ZNF417: variants seen among roughly 807,000 people sequenced by gnomAD.
ZNF417 encodes the protein zinc finger protein 417.
A neutral mutation model predicts 7.4 loss-of-function variants in ZNF417; 5 were observed. That is an observed-to-expected ratio of 0.68 (90% CI 0.35 to 1.43). The LOEUF (loss-of-function observed/expected upper bound fraction) is 1.43. ZNF417 is among the 40% of genes most tolerant of loss of function. ZNF417 has a pLI of 0.04. For missense variants in ZNF417, 437 were observed against 697.3 expected (o/e 0.63, Z 4.20); for synonymous variants, 147 against 239.1 (o/e 0.61, Z 3.55).
chr19:57,914,449 G>A (rs1264850809), intron 1 of ZNF417, among the ~76,000 whole-genome samples: 1 of 120,098 alleles, frequency 8.3e-6, no homozygotes, highest in Non-Finnish European at 1.6e-5. Context: ...TTGCACCACT[G>A]CACTCCAGCC....
Position 57,907,985 on chromosome 19 carries a change from T to A in ZNF417, c.*565A>T, listed in dbSNP as rs1158970555. 1 of 161,376 alleles carries A rather than the reference T, an allele frequency of 6.2e-6. No individual in the cohort carries two copies. The highest frequency in any genetic ancestry group is 1.4e-5 in the Non-Finnish European group (1 of 73,072). 10.0% of individuals were successfully genotyped at this position (161,376 alleles called of 1,614,324 possible). ...GGAGCTCTGAGGTAATTGGAGCTCA[T>A]GGCTATCCCAGAACTTGGATAACAT... is the stretch of plus-strand genomic sequence containing the variant. On this transcript the variant is annotated 3_prime_UTR_variant, in exon 3 of 3. Coordinates refer to ENST00000312026, the MANE Select transcript of ZNF417 (RefSeq NM_152475.3).
chr19:57,910,579 G>A (rs570189592), intron 2 of ZNF417, among the ~76,000 whole-genome samples: 44 of 152,084 alleles, frequency 2.9e-4, no homozygotes, highest in African/African-American at 1.0e-3. Flanking sequence ...AAAGAAGAAT[G>A]AGCTGCCTAG....
chr19:57,913,624 C>A (rs553450592), intron 1 of ZNF417, among the ~76,000 whole-genome samples: 1 of 152,188 alleles, frequency 6.6e-6, no homozygotes, highest in African/African-American at 2.4e-5. Flanking sequence ...CAACTTGGCA[C>A]CAACTCAGGC....
At chr19:57,915,292 T>A (rs540045749) in intron 1 of ZNF417, 29 of 182,974 alleles carry the variant, frequency 1.6e-4, no homozygotes, top group African/African-American at 5.5e-4. Context: ...ATTTGGATCA[T>A]GTCCCTCCTT....
rs948891623 is a variant in ZNF417, at chr19:57,907,088, G to T, written c.*1462C>A. The stretch of plus-strand genomic sequence containing the variant: ...AGGGTGGTCTTGAACTCCTGACCTT[G>T]TAAGCCACCCACCTCAGCCTCCCAA... On this transcript the variant is annotated 3_prime_UTR_variant, in exon 3 of 3. Coordinates refer to ENST00000312026, the MANE Select transcript of ZNF417 (RefSeq NM_152475.3). 2 of 151,800 alleles carry T rather than the reference G, an allele frequency of 1.3e-5. No individual in the cohort carries two copies. Among genetic ancestry groups the T allele is most frequent in the African/African-American group, 4.8e-5 (2 of 41,332 alleles). 9.4% of individuals were successfully genotyped at this position (151,800 alleles called of 1,614,324 possible).
At chr19:57,910,271 C>T (rs572036828) in intron 2 of ZNF417, among the ~76,000 whole-genome samples, 157 bp from the exon 3 acceptor site, 15 of 152,276 alleles carry the variant, frequency 9.9e-5, no homozygotes, top group African/African-American at 3.4e-4. Flanking sequence ...GCTGGCCGGG[C>T]GCAGTGGCTC....
In ZNF417 at chr19:57,911,340, C is replaced by T. The variant is rs559467080; in HGVS notation, c.163+720G>A. ...GTGCCTACTCATATTGCCACAAAAA[C>T]ACTTGGCAAATATAAATGGTTTCTG... is the stretch of plus-strand genomic sequence containing the variant. On this transcript the variant is annotated intron_variant, in intron 2 of 2. Transcript: ENST00000312026. Among the ~76,000 whole-genome samples the T allele has an allele frequency of 2.8e-3, 421 of 152,270 alleles. 1 individual carries two copies. The highest frequency in any genetic ancestry group is 5.2e-3 in the Non-Finnish European group (352 of 68,030).
rs895782306 is a variant in ZNF417, at chr19:57,908,431, A to C, written c.*119T>G. On this transcript the variant is annotated 3_prime_UTR_variant, in exon 3 of 3. Transcript: ENST00000312026. ...TGCGAAGTCTCTTAAGACCAAGGAG[A>C]GCAGACATTCTGATGTTTCCCAGAT... 2.8e-5 allele frequency: 43 copies of C among 1,559,608 alleles called. No individual in the cohort carries two copies. Among genetic ancestry groups the C allele is most frequent in the Middle Eastern group, 1.7e-4 (1 of 5,880 alleles).
At chr19:57,915,150 C>T (rs1017851172) in intron 1 of ZNF417, among the ~76,000 whole-genome samples, 1 of 152,154 alleles carries the variant, frequency 6.6e-6, no homozygotes, top group Non-Finnish European at 1.5e-5. Flanking sequence ...ACCTGCTTGT[C>T]TCAGTGCAAA....
intron 1 of ZNF417, among the ~76,000 whole-genome samples, chr19:57,915,096 C>CT (rs1263384776): frequency 6.6e-6 from 1 of 152,186 alleles, no homozygotes; most frequent in Non-Finnish European, 1.5e-5. Flanking sequence ...TCCCTGAACC[C>CT]TTTCTTGTCC....
At position 57,908,403 on chromosome 19, in the gene ZNF417, C is replaced by T; in HGVS notation, c.*147G>A. The T allele has an allele frequency of 7.0e-7, 1 of 1,434,636 alleles. No individual in the cohort carries two copies. 88.9% of individuals were successfully genotyped at this position (1,434,636 alleles called of 1,614,324 possible). A position where few individuals can be genotyped will look rare whatever the true frequency, so the allele number is the denominator to read the frequency against. On this transcript the variant is annotated 3_prime_UTR_variant, in exon 3 of 3. Coordinates refer to ENST00000312026, the MANE Select transcript of ZNF417 (RefSeq NM_152475.3). ...TGGGTGACAGAATGAGACTCCGTTC[C>T]AATGCGAAGTCTCTTAAGACCAAGG... is the stretch of plus-strand genomic sequence containing the variant.
In ZNF417 at chr19:57,906,054, T is replaced by C. The variant is rs1342987334; in HGVS notation, c.*2496A>G. On this transcript the variant is annotated 3_prime_UTR_variant, in exon 3 of 3. Transcript: ENST00000312026. ...CATCTCAGCTGATTGCAACCTCCATTTCCGAGGAAGGCTCCTTAATTTCCC... is the reference window on the plus strand; with the variant it reads ...CATCTCAGCTGATTGCAACCTCCATCTCCGAGGAAGGCTCCTTAATTTCCC... Among the ~76,000 whole-genome samples, 1 of 152,120 alleles carries C rather than the reference T, an allele frequency of 6.6e-6. No individual in the cohort carries two copies. Among genetic ancestry groups the C allele is most frequent in the East Asian group, 1.9e-4 (1 of 5,188 alleles).
chr19:57,913,694 C>T (rs1298618773), intron 1 of ZNF417, among the ~76,000 whole-genome samples: 2 of 152,146 alleles, frequency 1.3e-5, no homozygotes, highest in East Asian at 3.9e-4. Context: ...CTATTCTCTC[C>T]TCGGATGTCT....
At position 57,908,651 on chromosome 19, in the gene ZNF417, T is replaced by C; in HGVS notation, c.1627A>G (p.Thr543Ala). The C allele has an allele frequency of 6.2e-7, 1 of 1,614,190 alleles. No homozygotes were observed. Among genetic ancestry groups the C allele is most frequent in the Non-Finnish European group, 8.5e-7 (1 of 1,180,036 alleles). The change falls in exon 3 of 3, where the codon ACT (threonine) becomes GCT (alanine). Residue 543 changes from threonine to alanine, a missense_variant. Physicochemically the swap from Thr to Ala is moderately conservative, Grantham distance 58. Around this residue, in one of 5 missense-constraint regions of ZNF417, gnomAD observed 233 missense variants for 235.5 expected, o/e 0.99. Coordinates refer to ENST00000312026, the MANE Select transcript of ZNF417 (RefSeq NM_152475.3). ...SSLIKHRRIH[T>A]GERPYECTKC... ...GTACATTCATAAGGCCTTTCTCCAG[T>C]GTGAATTCTCCTGTGTTTAATGAGA... is the stretch of plus-strand genomic sequence containing the variant.
chr19:57,911,784 G>A (rs997867515), intron 2 of ZNF417, among the ~76,000 whole-genome samples: 3 of 152,160 alleles, frequency 2.0e-5, no homozygotes, highest in Non-Finnish European at 4.4e-5. Context: ...AAGAGCTACC[G>A]ATTTGGACAG....
At chr19:57,912,385 T>C (rs1268814943) in intron 1 of ZNF417, among the ~76,000 whole-genome samples, 196 bp from the exon 2 acceptor site, 2 of 152,142 alleles carry the variant, frequency 1.3e-5, no homozygotes, top group South Asian at 2.1e-4. Context: ...AGTGGACAAA[T>C]AGGTATCCAT....
In ZNF417 at chr19:57,906,760, C is replaced by CAAAAAAAA. The variant is rs1180110149; in HGVS notation, c.*1782_*1789dup. ...TGGGTGACAGAGTGAGACTCTGTCT[C>CAAAAAAAA]AAAAAAAAAAAAAAAAAAAAATTTA... is the stretch of plus-strand genomic sequence containing the variant. On this transcript the variant is annotated 3_prime_UTR_variant, in exon 3 of 3. Transcript: ENST00000312026. The CAAAAAAAA allele has an allele frequency of 1.0e-3, 32 of 30,524 alleles. 1 individual carries two copies. Among genetic ancestry groups the CAAAAAAAA allele is most frequent in the East Asian group, 2.8e-3 (3 of 1,054 alleles). 1.9% of individuals were successfully genotyped at this position (30,524 alleles called of 1,614,324 possible). A position where few individuals can be genotyped will look rare whatever the true frequency, so the allele number is the denominator to read the frequency against.
chr19:57,912,920 TA>T (rs1228040685), intron 1 of ZNF417, among the ~76,000 whole-genome samples: 1 of 151,842 alleles, frequency 6.6e-6, no homozygotes, highest in Non-Finnish European at 1.5e-5. Flanking sequence ...CCCCCACAAA[TA>T]AAATTATTTC....
chr19:57,908,165 A>G lies in ZNF417; in HGVS notation c.*385T>C, dbSNP rs2071853457. 17 of 262,954 alleles carry G rather than the reference A, an allele frequency of 6.5e-5. 1 individual carries two copies. The South Asian group carries it at 8.7e-4, about 13-fold the overall frequency. The allele number at this position is 262,954 out of a possible 1,614,324, so 16.3% of individuals were successfully genotyped here. A position where few individuals can be genotyped will look rare whatever the true frequency, so the allele number is the denominator to read the frequency against. On this transcript the variant is annotated 3_prime_UTR_variant, in exon 3 of 3. Transcript: ENST00000312026. ...ATCTTAACTGTTTCACTGCCCAGCA[A>G]TCTATACGTATTGTCACTTGGGGAC...
Sources: gnomAD v4.1 joint callset for allele counts (sites outside exome capture counted in the v4.1 genomes callset) on GRCh38, gnomAD v4.1.1 for gene constraint, gnomAD v4.1.1 regional missense constraint, MANE v1.5 for transcripts, NCBI Gene and HGNC (gene_info 2026-07-23, HGNC 2026-07-21) for gene names.